The following ZNF385D variants were observed in gnomAD, a reference collection of about 807,000 sequenced individuals.
ZNF385D encodes zinc finger protein 659.
Under a neutral mutation model 35.8 loss-of-function variants are expected in ZNF385D, and 15 were observed. The ratio of observed to expected loss-of-function variants is 0.42; its 90% CI spans 0.28 to 0.64. The LOEUF (loss-of-function observed/expected upper bound fraction) is 0.64, where lower values mean the gene tolerates loss of function less well. Ranked by LOEUF, ZNF385D falls within the 30% of genes least tolerant of loss-of-function variation. ZNF385D has a pLI of 0.23. For synonymous variants in ZNF385D, 212 were observed against 186.8 expected (o/e 1.13, Z -1.10); for missense variants, 474 against 494.6 (o/e 0.96, Z 0.39).
chr3:21,447,839 C>A (rs571106232), intron 4 of ZNF385D, among the ~76,000 whole-genome samples: 1 of 152,182 alleles, frequency 6.6e-6, no homozygotes, highest in Non-Finnish European at 1.5e-5. Flanking sequence ...GCAGCACATA[C>A]CATAAAAATG....
chr3:22,334,971 T>C (rs1191914716), intron 2 of ZNF385D, among the ~76,000 whole-genome samples: 1 of 152,206 alleles, frequency 6.6e-6, no homozygotes, highest in African/African-American at 2.4e-5. Context: ...TATTCCTTGT[T>C]TAAAAAATCA....
chr3:22,321,423 T>C (rs1694425558), intron 2 of ZNF385D, among the ~76,000 whole-genome samples: 3 of 152,058 alleles, frequency 2.0e-5, no homozygotes. Flanking sequence ...TGGAGTGCAA[T>C]GGCGTGATCT....
At chr3:22,180,413 G>A (rs982725520) in intron 2 of ZNF385D, among the ~76,000 whole-genome samples, 2 of 152,172 alleles carry the variant, frequency 1.3e-5, no homozygotes, top group African/African-American at 2.4e-5. Flanking sequence ...GAAAAAGAGG[G>A]AATCCTCCCT....
intron 2 of ZNF385D, among the ~76,000 whole-genome samples, chr3:21,584,811 C>G (rs1486230731): frequency 6.6e-6 from 1 of 152,180 alleles, no homozygotes; most frequent in African/African-American, 2.4e-5. Flanking sequence ...CCTGCAGACC[C>G]TAATTCTAGA....
chr3:21,979,930 A>G (rs1694327344), intron 3 of ZNF385D: 1 of 152,192 alleles, frequency 6.6e-6, no homozygotes, highest in African/African-American at 2.4e-5. Context: ...GGTGTAACCT[A>G]ATTCTGCCTC....
intron 1 of ZNF385D, among the ~76,000 whole-genome samples, chr3:21,730,044 C>A (rs2068925286): frequency 6.6e-6 from 1 of 152,162 alleles, no homozygotes; most frequent in Non-Finnish European, 1.5e-5. Context: ...CCTAGTGCAA[C>A]TAACGTTGGA....
intron 3 of ZNF385D, among the ~76,000 whole-genome samples, chr3:22,141,126 A>C (rs1704478562): frequency 6.6e-6 from 1 of 152,212 alleles, no homozygotes; most frequent in Non-Finnish European, 1.5e-5. Flanking sequence ...CATTACTTAA[A>C]AACATAAGAG....
Position 22,028,378 on chromosome 3 carries a change from C to T in ZNF385D, c.325+140439G>A, listed in dbSNP as rs376194809. Among the ~76,000 whole-genome samples, 46 of 152,292 alleles carry T rather than the reference C, an allele frequency of 3.0e-4. 1 individual carries two copies. The highest frequency in any genetic ancestry group is 3.4e-3 in the Middle Eastern group (1 of 294). ...GCCATGGTGGCAGGGATGGAGGTTA[C>T]GCATGGGCTCAGCAACATGTACTTC... is the stretch of plus-strand genomic sequence containing the variant. On this transcript the variant is annotated intron_variant, in intron 3 of 5. Transcript: ENST00000494108.
rs532855498 is a variant in ZNF385D at position 22,367,369 on chromosome 3, A to G, written c.106+5081T>C. On this transcript the variant is annotated intron_variant, in intron 2 of 5. Coordinates refer to the ZNF385D transcript ENST00000494108. ...CTTAAACTCATACTCTTAAAATGCT[A>G]CACTATGCTAAATAACTGTTTTTCT... 5.4e-4 allele frequency among the ~76,000 whole-genome samples: 82 copies of G among 152,298 alleles called. 1 individual carries two copies. Among genetic ancestry groups the G allele is most frequent in the African/African-American group, 1.9e-3 (79 of 41,560 alleles).
intron 1 of ZNF385D, among the ~76,000 whole-genome samples, chr3:21,675,518 A>G (rs2066698541): frequency 6.6e-6 from 1 of 152,076 alleles, no homozygotes; most frequent in African/African-American, 2.4e-5. Context: ...TTGTCCAAAA[A>G]CATTCTGCTT....
In ZNF385D at chr3:22,169,120, T is replaced by C. The variant is rs916608110; in HGVS notation, c.107-85A>G. 3.7e-5 allele frequency: 21 copies of C among 571,758 alleles called. No individual in the cohort carries two copies. The South Asian group carries it at 9.3e-4, about 25-fold the overall frequency. 35.4% of individuals were successfully genotyped at this position (571,758 alleles called of 1,614,324 possible). A position where few individuals can be genotyped will look rare whatever the true frequency, so the allele number is the denominator to read the frequency against. Reference sequence around the variant, plus strand: ...TATTAAATTGGGTGGCAAATAAGGATTGTTCTACACACAAGAATTAAAAAT... The same window carrying C: ...TATTAAATTGGGTGGCAAATAAGGACTGTTCTACACACAAGAATTAAAAAT... On this transcript the variant is annotated intron_variant, in intron 2 of 5. Transcript: ENST00000494108.
intron 3 of ZNF385D, among the ~76,000 whole-genome samples, chr3:21,940,989 A>G (rs981619916): frequency 6.6e-6 from 1 of 152,218 alleles, no homozygotes; most frequent in Non-Finnish European, 1.5e-5. Context: ...TATTAAATCT[A>G]AAGTGTTTGA....
Position 21,445,609 on chromosome 3 carries a change from G to C in ZNF385D, c.440-8406C>G, listed in dbSNP as rs192919900. The stretch of plus-strand genomic sequence containing the variant: ...TATATCAATGTCTTATCATGTCAGT[G>C]CCTTAATTTCTAAGTCAAAGAGGAT... On this transcript the variant is annotated intron_variant, in intron 4 of 7. Transcript: ENST00000281523. Among the ~76,000 whole-genome samples, 5 of 152,210 alleles carry C rather than the reference G, an allele frequency of 3.3e-5. No individual in the cohort carries two copies. The East Asian group carries it at 5.8e-4, about 18-fold the overall frequency.
chr3:21,897,004 T>C (rs557759715), intron 3 of ZNF385D, among the ~76,000 whole-genome samples: 7 of 152,184 alleles, frequency 4.6e-5, no homozygotes, highest in Admixed American at 3.9e-4. Flanking sequence ...AATTAGAGTA[T>C]GGAATATTGG....
chr3:22,030,461 G>C lies in ZNF385D; in HGVS notation c.325+138356C>G, dbSNP rs574404735. Among the ~76,000 whole-genome samples, 53 of 150,682 alleles carry C rather than the reference G, an allele frequency of 3.5e-4. No homozygotes were observed. The East Asian group carries it at 9.4e-3, about 27-fold the overall frequency. ...CAAAGTGGCAGGAGGGAGAGAGAGA[G>C]GGAGGGAGAGAGAGAGACACAGAGA... On this transcript the variant is annotated intron_variant, in intron 3 of 5. Transcript: ENST00000494108.
At chr3:21,906,315 T>C (rs1029589689) in intron 3 of ZNF385D, among the ~76,000 whole-genome samples, 5 of 152,190 alleles carry the variant, frequency 3.3e-5, no homozygotes, top group South Asian at 2.1e-4. Context: ...AAGATGAACA[T>C]AGAAAGACGC....
chr3:21,565,943 A>G (rs78617241), intron 2 of ZNF385D, among the ~76,000 whole-genome samples: 4,768 of 152,212 alleles, frequency 0.031, 236 homozygotes, highest in African/African-American at 0.11. Flanking sequence ...CCATTGATCA[A>G]TTTCATCTCC....
intron 3 of ZNF385D, among the ~76,000 whole-genome samples, chr3:21,957,919 A>G (rs1702375320): frequency 6.6e-6 from 1 of 152,116 alleles, no homozygotes; most frequent in African/African-American, 2.4e-5. Context: ...CAATGTACTA[A>G]TGTACCACTA....
At chr3:21,795,449 G>C (rs2072107213) in intron 3 of ZNF385D, among the ~76,000 whole-genome samples, 2 of 152,230 alleles carry the variant, frequency 1.3e-5, no homozygotes, top group South Asian at 4.1e-4. Flanking sequence ...TGGAATGGTA[G>C]CCGTGTGCAA....
Sources: gnomAD v4.1 joint callset for allele counts (sites outside exome capture counted in the v4.1 genomes callset) on GRCh38, gnomAD v4.1.1 for gene constraint, MANE v1.5 for transcripts, NCBI Gene and HGNC (gene_info 2026-07-23, HGNC 2026-07-21) for gene names.